CTNND1: variants seen among roughly 807,000 people sequenced by gnomAD.
The protein encoded by CTNND1 is catenin delta 1.
CTNND1 carries 16 observed loss-of-function variants against 112.1 expected under a neutral mutation model. That is an observed-to-expected ratio of 0.14 (90% CI 0.10 to 0.22). CTNND1 has a LOEUF of 0.22. Ranked by LOEUF, CTNND1 falls within the 10% of genes least tolerant of loss-of-function variation. The pLI is 1.00. For synonymous variants in CTNND1, 420 were observed against 446.5 expected (o/e 0.94, Z 0.75); for missense variants, 1,008 against 1,257.0 (o/e 0.80, Z 3.00).
chr11:57,786,662 G>A (rs2060174043), intron 1 of CTNND1, among the ~76,000 whole-genome samples: 1 of 152,184 alleles, frequency 6.6e-6, no homozygotes. Context: ...TGATGCATAT[G>A]GCATGAGAAG....
At chr11:57,786,391 G>T (rs1026246396) in intron 1 of CTNND1, among the ~76,000 whole-genome samples, 1 of 151,996 alleles carries the variant, frequency 6.6e-6, no homozygotes, top group African/African-American at 2.4e-5. Context: ...AAATTAGCCC[G>T]GTGTGGTGTC....
At position 57,789,073 on chromosome 11, in the gene CTNND1, G is replaced by C. The variant is rs1212155116; in HGVS notation, c.-177G>C. 2.0e-6 allele frequency: 3 copies of C among 1,535,564 alleles called. No individual in the cohort carries two copies. Among genetic ancestry groups the C allele is most frequent in the Non-Finnish European group, 2.6e-6 (3 of 1,146,856 alleles). On this transcript the variant is annotated 5_prime_UTR_variant, in exon 2 of 21. Coordinates refer to ENST00000399050, the MANE Select transcript of CTNND1 (RefSeq NM_001085458.2). ...CTGCTTCCTCCTTGCTGTGGTGGCTGGGATGCTTCTTCCATGATTTTTTGA... is the reference window on the plus strand; with the variant it reads ...CTGCTTCCTCCTTGCTGTGGTGGCTCGGATGCTTCTTCCATGATTTTTTGA...
At chr11:57,768,187 A>G (rs1951588798) in intron 1 of CTNND1, among the ~76,000 whole-genome samples, 1 of 151,994 alleles carries the variant, frequency 6.6e-6, no homozygotes, top group African/African-American at 2.4e-5. Context: ...CTTGCATTAC[A>G]GAATATATGG....
rs2061280637 is a variant in CTNND1 at position 57,795,606 on chromosome 11, C to T, written c.297C>T (p.Ile99=). 6.2e-7 allele frequency: 1 copy of T among 1,611,656 alleles called. No homozygotes were observed. The highest frequency in any genetic ancestry group is 1.1e-5 in the South Asian group (1 of 90,688). ...ACAGTCACCTTCTATATAGCACCAT[C>T]CCCAGGATGCAGGAGCCGGGGCAGA... ...QDHSHLLYST[I]PRMQEPGQIV... is the part of the protein sequence containing the mutation. The change falls in exon 5 of 21, where the codon ATC becomes ATT. Residue 99 remains isoleucine (I), a synonymous_variant. Coordinates refer to ENST00000399050, the MANE Select transcript of CTNND1 (RefSeq NM_001085458.2).
intron 1 of CTNND1, among the ~76,000 whole-genome samples, chr11:57,783,113 G>A (rs1303248141): frequency 3.3e-5 from 5 of 151,936 alleles, no homozygotes; most frequent in Admixed American, 6.6e-5. Context: ...TGGTGAAACC[G>A]TGTCTCTACT....
Position 57,817,905 on chromosome 11 carries a change from C to G in CTNND1, c.*1597C>G, listed in dbSNP as rs1591738748. 1 of 152,708 alleles carries G rather than the reference C, an allele frequency of 6.5e-6. No homozygotes were observed. Among genetic ancestry groups the G allele is most frequent in the East Asian group, 1.9e-4 (1 of 5,188 alleles). 9.5% of individuals were successfully genotyped at this position (152,708 alleles called of 1,614,324 possible). On this transcript the variant is annotated 3_prime_UTR_variant, in exon 21 of 21. Coordinates refer to ENST00000399050, the MANE Select transcript of CTNND1 (RefSeq NM_001085458.2). ...CTCCCCTTAATCTAATCTAAAAGCT[C>G]TGTTCCATGCAACTGGAGTTCCTTA... is the stretch of plus-strand genomic sequence containing the variant.
chr11:57,783,541 C>G (rs1037108984), intron 1 of CTNND1, among the ~76,000 whole-genome samples: 2 of 151,962 alleles, frequency 1.3e-5, no homozygotes, highest in African/African-American at 2.4e-5. Context: ...CGCCTGTGGT[C>G]CCAGCTACTG....
At chr11:57,790,328 G>A (rs1043251649) in intron 2 of CTNND1, among the ~76,000 whole-genome samples, 5 of 151,312 alleles carry the variant, frequency 3.3e-5, no homozygotes, top group African/African-American at 7.3e-5. Context: ...CACCCACCTC[G>A]GCCTCGTAAA....
chr11:57,798,902 A>G (rs2061678244), intron 6 of CTNND1, among the ~76,000 whole-genome samples: 1 of 152,238 alleles, frequency 6.6e-6, no homozygotes, highest in Non-Finnish European at 1.5e-5. Context: ...CTGCTTCAGA[A>G]TAAATTAGAA....
intron 1 of CTNND1, among the ~76,000 whole-genome samples, chr11:57,781,267 A>AG (rs1228054820): frequency 6.6e-6 from 1 of 152,128 alleles, no homozygotes; most frequent in Non-Finnish European, 1.5e-5. Context: ...AAGGAATGTG[A>AG]GCTCAAACAG....
rs1949938611 is a variant in CTNND1, at chr11:57,761,839, G to A, written c.-494G>A. The A allele has an allele frequency of 3.0e-6, 3 of 985,240 alleles. No homozygotes were observed. Among genetic ancestry groups the A allele is most frequent in the Non-Finnish European group, 3.6e-6 (3 of 829,930 alleles). 61.0% of individuals were successfully genotyped at this position (985,240 alleles called of 1,614,324 possible). ...CACCACCCAGGCTCCCTTGCCTTTGGCTGGGTGCAACTTCCATTTTAGGTG... is the reference window on the plus strand; with the variant it reads ...CACCACCCAGGCTCCCTTGCCTTTGACTGGGTGCAACTTCCATTTTAGGTG... On this transcript the variant is annotated 5_prime_UTR_variant, in exon 1 of 21. Coordinates refer to ENST00000399050, the MANE Select transcript of CTNND1 (RefSeq NM_001085458.2).
chr11:57,802,227 G>A, intron 7 of CTNND1, 31 bp downstream of exon 7: 1 of 1,556,514 alleles, frequency 6.4e-7, no homozygotes, highest in South Asian at 1.2e-5. Context: ...AAATTGCTAA[G>A]TCAGTGTTAC....
intron 14 of CTNND1, among the ~76,000 whole-genome samples, chr11:57,808,764 A>C (rs944649761): frequency 6.6e-6 from 1 of 152,248 alleles, no homozygotes; most frequent in Admixed American, 6.5e-5. Flanking sequence ...GCTATTATTT[A>C]TTGAGCACTT....
At chr11:57,799,210 A>G (rs1163179737) in intron 6 of CTNND1, among the ~76,000 whole-genome samples, 1 of 152,238 alleles carries the variant, frequency 6.6e-6, no homozygotes, top group Non-Finnish European at 1.5e-5. Flanking sequence ...CAGGAGCACC[A>G]GACCTCGGCT....
intron 8 of CTNND1, 74 bp downstream of exon 8, chr11:57,803,878 AAT>A: frequency 8.2e-7 from 1 of 1,225,686 alleles, no homozygotes; most frequent in Non-Finnish European, 1.1e-6. Flanking sequence ...AAAAAAAAAA[AAT>A]TAAAATTCTT....
chr11:57,811,232 A>G (rs1457818210), intron 16 of CTNND1, among the ~76,000 whole-genome samples, 167 bp from the exon 17 acceptor site: 4 of 152,234 alleles, frequency 2.6e-5, no homozygotes, highest in South Asian at 4.1e-4. Flanking sequence ...AATAGAAGCC[A>G]TAATATCCTA....
intron 1 of CTNND1, among the ~76,000 whole-genome samples, chr11:57,780,846 T>C (rs998840753): frequency 6.6e-6 from 1 of 152,254 alleles, no homozygotes; most frequent in Non-Finnish European, 1.5e-5. Flanking sequence ...CTCAATTACA[T>C]GCTTCCACCT....
intron 1 of CTNND1, among the ~76,000 whole-genome samples, chr11:57,777,213 C>T (rs1464478853): frequency 6.6e-6 from 1 of 152,146 alleles, no homozygotes; most frequent in Admixed American, 6.5e-5. Flanking sequence ...CTTTTCTATT[C>T]AACCCTAGAA....
chr11:57,779,960 G>T (rs2059395830), intron 1 of CTNND1, among the ~76,000 whole-genome samples: 1 of 151,918 alleles, frequency 6.6e-6, no homozygotes, highest in African/African-American at 2.4e-5. Context: ...AGACCCAAAA[G>T]TCTAGCTGGC....
Sources: allele counts gnomAD v4.1 joint callset (sites outside exome capture counted in the v4.1 genomes callset), GRCh38; gene constraint gnomAD v4.1.1; transcripts MANE v1.5; gene names NCBI Gene and HGNC (gene_info 2026-07-23, HGNC 2026-07-21).